ZNF407: variants seen among roughly 807,000 people sequenced by gnomAD.
The protein encoded by ZNF407 is zinc finger protein 407.
A neutral mutation model predicts 131.2 loss-of-function variants in ZNF407; 17 were observed. The observed-to-expected ratio is 0.13, with a 90% CI of 0.09 to 0.19. ZNF407 has a LOEUF of 0.19. Ranked by LOEUF, ZNF407 falls within the 10% of genes least tolerant of loss-of-function variation. The probability of loss-of-function intolerance (pLI) is 1.00; values close to 1 mark genes in which losing one functional copy is unlikely to be tolerated. For missense variants in ZNF407, 2,681 were observed against 2,830.6 expected, an observed-to-expected ratio of 0.95 and a Z score of 1.20; for synonymous variants, 1,156 against 1,062.0, an observed-to-expected ratio of 1.09 and a Z score of -1.72.
At chr18:74,607,386 T>A (rs1364476130) in intron 1 of ZNF407, among the ~76,000 whole-genome samples, 1 of 152,118 alleles carries the variant, frequency 6.6e-6, no homozygotes, top group Non-Finnish European at 1.5e-5. Context: ...CCTTCCCAGG[T>A]TTATACCAGA....
chr18:74,805,772 T>G lies in ZNF407; in HGVS notation c.4877+24270T>G, dbSNP rs150614478. 3.3e-3 allele frequency among the ~76,000 whole-genome samples: 510 copies of G among 152,282 alleles called. 3 individuals are homozygous for G. The highest frequency in any genetic ancestry group is 5.4e-3 in the Non-Finnish European group (366 of 68,018). ...AGTCAGTATAAATTATATCTGCAAT[T>G]TTAACTGGAACTGATTATAATGTTT... is the stretch of plus-strand genomic sequence containing the variant. On this transcript the variant is annotated intron_variant, in intron 4 of 8. Transcript: ENST00000299687.
intron 3 of ZNF407, among the ~76,000 whole-genome samples, chr18:74,766,414 A>G (rs1969234200): frequency 6.6e-6 from 1 of 152,140 alleles, no homozygotes; most frequent in Admixed American, 6.5e-5. Flanking sequence ...GATTGTGGAG[A>G]GTGGTCAAAG....
At chr18:74,887,848 G>T (rs1463814284) in intron 6 of ZNF407, among the ~76,000 whole-genome samples, 1 of 152,122 alleles carries the variant, frequency 6.6e-6, no homozygotes, top group Non-Finnish European at 1.5e-5. Context: ...GCAAAACTGG[G>T]ATCAGAATTG....
chr18:74,992,580 A>G (rs1972731409), intron 8 of ZNF407, among the ~76,000 whole-genome samples: 1 of 152,258 alleles, frequency 6.6e-6, no homozygotes, highest in Non-Finnish European at 1.5e-5. Flanking sequence ...TAAGAGCTGG[A>G]TGACATCAAG....
chr18:74,994,676 C>T (rs906178592), intron 8 of ZNF407, among the ~76,000 whole-genome samples: 35 of 152,150 alleles, frequency 2.3e-4, no homozygotes, highest in Admixed American at 1.9e-3. Context: ...TATTACAGTG[C>T]AGTTCACTTT....
At chr18:74,690,523 G>C (rs1360731424) in intron 3 of ZNF407, among the ~76,000 whole-genome samples, 1 of 151,492 alleles carries the variant, frequency 6.6e-6, no homozygotes, top group Non-Finnish European at 1.5e-5. Context: ...TATGATATTT[G>C]ATTATGTCTT....
intron 1 of ZNF407, among the ~76,000 whole-genome samples, chr18:74,601,806 GACT>G (rs1164773435): frequency 2.6e-5 from 4 of 152,170 alleles, no homozygotes; most frequent in Non-Finnish European, 4.4e-5. Flanking sequence ...CAACATTGGG[GACT>G]ACATTTCAGC....
intron 1 of ZNF407, among the ~76,000 whole-genome samples, chr18:74,622,756 GAATA>G (rs1983574516): frequency 6.6e-6 from 1 of 152,004 alleles, no homozygotes; most frequent in Admixed American, 6.6e-5. Context: ...GTGTGTGAAT[GAATA>G]TTTGTGTGTG....
At chr18:74,624,164 C>T (rs937161537) in intron 1 of ZNF407, among the ~76,000 whole-genome samples, 2 of 152,066 alleles carry the variant, frequency 1.3e-5, no homozygotes, top group Non-Finnish European at 2.9e-5. Flanking sequence ...TGCCTGTTTT[C>T]GCTTTGTTCC....
At chr18:75,062,452 C>T (rs1973647995) in intron 8 of ZNF407, 1 of 152,236 alleles carries the variant, frequency 6.6e-6, no homozygotes, top group South Asian at 2.1e-4. Context: ...TATAGACTCC[C>T]CTCTCAGCCC....
At chr18:74,874,641 C>A (rs1203045996) in intron 4 of ZNF407, among the ~76,000 whole-genome samples, 1 of 152,192 alleles carries the variant, frequency 6.6e-6, no homozygotes, top group Non-Finnish European at 1.5e-5. Context: ...CAGTTGTCAC[C>A]TGTTTTTAAA....
intron 8 of ZNF407, among the ~76,000 whole-genome samples, chr18:75,055,148 T>C (rs1973547766): frequency 1.3e-5 from 2 of 152,338 alleles, no homozygotes; most frequent in East Asian, 1.9e-4. Flanking sequence ...TTATTTCAAA[T>C]AGGACTGAAG....
At chr18:74,952,803 C>T (rs1000543754) in intron 8 of ZNF407, among the ~76,000 whole-genome samples, 1 of 152,166 alleles carries the variant, frequency 6.6e-6, no homozygotes, top group Non-Finnish European at 1.5e-5. Context: ...TCCCATTTCT[C>T]CCAGAAGTTG....
At chr18:74,673,238 T>G (rs1986221997) in intron 3 of ZNF407, among the ~76,000 whole-genome samples, 1 of 152,186 alleles carries the variant, frequency 6.6e-6, no homozygotes, top group African/African-American at 2.4e-5. Flanking sequence ...CACAAGTTTA[T>G]TATGTTATAG....
intron 3 of ZNF407, among the ~76,000 whole-genome samples, chr18:74,727,535 C>T (rs903895827): frequency 1.3e-5 from 2 of 152,282 alleles, no homozygotes; most frequent in Admixed American, 6.5e-5. Context: ...AGCACAGGTG[C>T]GTGTTCAACA....
chr18:74,862,791 C>T (rs1970955134), intron 4 of ZNF407, among the ~76,000 whole-genome samples: 1 of 152,162 alleles, frequency 6.6e-6, no homozygotes, highest in Non-Finnish European at 1.5e-5. Flanking sequence ...CTGTTAGTCC[C>T]TGGTCAGATC....
chr18:74,719,998 C>T (rs1967990009), intron 3 of ZNF407, among the ~76,000 whole-genome samples: 1 of 152,008 alleles, frequency 6.6e-6, no homozygotes, highest in South Asian at 2.1e-4. Context: ...ATTTCCTTTC[C>T]TTTGGATGAA....
At chr18:74,933,344 T>C (rs1177729891) in intron 8 of ZNF407, among the ~76,000 whole-genome samples, 3 of 152,194 alleles carry the variant, frequency 2.0e-5, no homozygotes, top group Non-Finnish European at 4.4e-5. Flanking sequence ...TTACAGATGA[T>C]GTGCCTAGAG....
chr18:74,948,242 A>G (rs927434968), intron 8 of ZNF407, among the ~76,000 whole-genome samples: 8 of 152,200 alleles, frequency 5.3e-5, no homozygotes, highest in African/African-American at 1.9e-4. Context: ...TTTGCTCAGT[A>G]GCGGCTTTTT....
Sources: allele counts gnomAD v4.1 joint callset (sites outside exome capture counted in the v4.1 genomes callset), GRCh38; gene constraint gnomAD v4.1.1; transcripts MANE v1.5; gene names NCBI Gene and HGNC (gene_info 2026-07-23, HGNC 2026-07-21).